ITIH2: variants seen among roughly 807,000 people sequenced by gnomAD.
ITIH2 encodes the protein inter-alpha-trypsin inhibitor heavy chain H2.
In ITIH2, 103 loss-of-function variants were observed where a neutral mutation model predicts 104.4. That is an observed-to-expected ratio of 0.99 (90% CI 0.84 to 1.16). The LOEUF (loss-of-function observed/expected upper bound fraction) is 1.16. ITIH2 is among the 50% of genes most tolerant of loss of function. The probability of loss-of-function intolerance (pLI) is 0.00; values close to 1 mark genes in which losing one functional copy is unlikely to be tolerated. For synonymous variants in ITIH2, 436 were observed against 435.4 expected (o/e 1.00, Z -0.02); for missense variants, 1,108 against 1,162.4 (o/e 0.95, Z 0.68).
chr10:7,713,461 C>G (rs1301615732), intron 5 of ITIH2, 176 bp downstream of exon 5: 2 of 579,922 alleles, frequency 3.4e-6, no homozygotes, highest in Non-Finnish European at 6.1e-6. Context: ...CTAAAGGTCC[C>G]TCTTCAACCA....
At chr10:7,739,951 C>G (rs1007117326) in intron 16 of ITIH2, among the ~76,000 whole-genome samples, 1 of 151,962 alleles carries the variant, frequency 6.6e-6, no homozygotes, top group Admixed American at 6.6e-5. Flanking sequence ...TTTGGGAGGC[C>G]GAGGAGGGCA....
chr10:7,705,731 C>T (rs1019563046), intron 2 of ITIH2, among the ~76,000 whole-genome samples: 10 of 149,588 alleles, frequency 6.7e-5, no homozygotes, highest in Non-Finnish European at 1.0e-4. Context: ...GAATACATGG[C>T]TATGTGTTTT....
intron 3 of ITIH2, among the ~76,000 whole-genome samples, chr10:7,707,721 C>T (rs1388458969): frequency 2.6e-5 from 4 of 152,106 alleles, no homozygotes; most frequent in Non-Finnish European, 5.9e-5. Context: ...TATGTCTCCT[C>T]GCCCAGCTAA....
Position 7,715,686 on chromosome 10 carries a change from C to A in ITIH2, c.468-1940C>A, listed in dbSNP as rs555503798. Among the ~76,000 whole-genome samples the A allele has an allele frequency of 2.3e-4, 35 of 152,310 alleles. No individual in the cohort carries two copies. The South Asian group carries it at 7.0e-3, about 31-fold the overall frequency. ...GATATCGCAAGCTGACTATCCACAA[C>A]AACTCCCCAATCCCTTAGGCTGATT... On this transcript the variant is annotated intron_variant, in intron 5 of 20. Coordinates refer to ENST00000358415, the MANE Select transcript of ITIH2 (RefSeq NM_002216.3).
intron 20 of ITIH2, among the ~76,000 whole-genome samples, chr10:7,748,534 T>C (rs1835202982): frequency 1.2e-5 from 1 of 85,042 alleles, no homozygotes; most frequent in African/African-American, 4.1e-5. Context: ...TTTTTTTTTT[T>C]TTTTTTTTTT....
rs1835026375 is a variant in ITIH2, at chr10:7,733,822, G to A, written c.1788-1100G>A. On this transcript the variant is annotated intron_variant, in intron 14 of 20. Coordinates refer to ENST00000358415, the MANE Select transcript of ITIH2 (RefSeq NM_002216.3). The stretch of plus-strand genomic sequence containing the variant: ...TGGAACAGGGTCTAAATGAGGCTGG[G>A]AAAATGAAATGCAGTTGTATGACTG... Among the ~76,000 whole-genome samples, 10 of 152,038 alleles carry A rather than the reference G, an allele frequency of 6.6e-5. No individual in the cohort carries two copies. The South Asian group carries it at 2.1e-3, about 32-fold the overall frequency.
At chr10:7,717,560 C>G in intron 5 of ITIH2, 66 bp from the exon 6 acceptor site, 11 of 1,493,968 alleles carry the variant, frequency 7.4e-6, no homozygotes, top group Non-Finnish European at 1.0e-5. Flanking sequence ...TGCCCTCTGC[C>G]TAGATTCTGG....
At chr10:7,735,597 G>A (rs1407198517) in intron 15 of ITIH2, among the ~76,000 whole-genome samples, 2 of 151,236 alleles carry the variant, frequency 1.3e-5, no homozygotes, top group Admixed American at 6.6e-5. Flanking sequence ...CATAATCATA[G>A]TATTTTATAA....
In ITIH2 at chr10:7,727,374, G is replaced by T. The variant is rs552608270; in HGVS notation, c.1153+256G>T. Among the ~76,000 whole-genome samples, 4 of 152,330 alleles carry T rather than the reference G, an allele frequency of 2.6e-5. No individual in the cohort carries two copies. In the South Asian group the frequency reaches 8.3e-4, roughly 32 times the overall value. On this transcript the variant is annotated intron_variant, in intron 10 of 20. Transcript: ENST00000358415. ...GTGACACTGGCCTTCTTTATTGCCT[G>T]CATAAAGCATAAAATGTTACTATCT...
chr10:7,727,897 A>G (rs1479477001), intron 11 of ITIH2, 69 bp downstream of exon 11: 3 of 1,559,682 alleles, frequency 1.9e-6, no homozygotes, highest in Non-Finnish European at 2.6e-6. Context: ...TGGTTTGCCT[A>G]AAAGGGGAAC....
intron 16 of ITIH2, among the ~76,000 whole-genome samples, chr10:7,739,463 C>T (rs1220111554): frequency 1.3e-5 from 2 of 152,186 alleles, no homozygotes; most frequent in African/African-American, 2.4e-5. Flanking sequence ...AATTGTGCGG[C>T]TTTCTTGACT....
intron 14 of ITIH2, among the ~76,000 whole-genome samples, chr10:7,733,078 C>G (rs1254124555): frequency 6.6e-6 from 1 of 151,812 alleles, no homozygotes; most frequent in Admixed American, 6.6e-5. Context: ...TATCTATCAT[C>G]CGTGTAATCA....
intron 17 of ITIH2, 118 bp downstream of exon 17, chr10:7,743,377 A>G: frequency 1.7e-6 from 1 of 596,234 alleles, no homozygotes; most frequent in Non-Finnish European, 3.0e-6. Context: ...CAGTGATATT[A>G]GTGAGAAATT....
intron 14 of ITIH2, 115 bp from the exon 15 acceptor site, chr10:7,734,807 C>T: frequency 1.2e-6 from 1 of 818,446 alleles, no homozygotes; most frequent in Non-Finnish European, 1.9e-6. Flanking sequence ...CTTTGCGGCT[C>T]CGCCCCACCC....
intron 5 of ITIH2, among the ~76,000 whole-genome samples, chr10:7,713,889 G>A (rs1834821320): frequency 6.6e-6 from 1 of 152,074 alleles, no homozygotes; most frequent in South Asian, 2.1e-4. Flanking sequence ...TTTTTGTAGA[G>A]ATAAGGCCTT....
At position 7,738,683 on chromosome 10, in the gene ITIH2, C is replaced by A. The variant is rs3740217; in HGVS notation, c.2020C>A (p.Pro674Thr). The A allele has an allele frequency of 1.2e-6, 2 of 1,613,606 alleles. No homozygotes were observed. The highest frequency in any genetic ancestry group is 3.3e-5 in the Admixed American group (2 of 59,982). The change falls in exon 16 of 21, where the codon CCA becomes ACA. Residue 674 changes from proline to threonine, a missense_variant. By Grantham distance (38) the Pro-to-Thr change is conservative (BLOSUM62 -1). Coordinates refer to ENST00000358415, the MANE Select transcript of ITIH2 (RefSeq NM_002216.3). ...DSTPSWANPS[P>T]TPVISMLAQG... is the part of the protein sequence containing the mutation. ...CACCCCGTCTTGGGCCAATCCTTCA[C>A]CAACGCCCGTGATCTCCATGCTGGC...
In ITIH2 at chr10:7,723,556, A is replaced by C. The variant is rs1395692068; in HGVS notation, c.973A>C (p.Lys325Gln). 6.2e-7 allele frequency: 1 copy of C among 1,602,526 alleles called. No individual in the cohort carries two copies. Among genetic ancestry groups the C allele is most frequent in the East Asian group, 2.2e-5 (1 of 44,828 alleles). ...TGTGAGTGGCTCCATGTGGGGAGTT[A>C]AAATGAAACAAGTAAGTACCCCCTT... ...IDVSGSMWGVKMKQTVEAMKT... is the reference protein window; with the variant it reads ...IDVSGSMWGVQMKQTVEAMKT... Residue 325 changes from lysine (K) to glutamine (Q), a missense_variant, in exon 9 of 21, where the codon AAA becomes CAA. Physicochemically the swap from Lys to Gln is moderately conservative, Grantham distance 53. Transcript: ENST00000358415.
In ITIH2 at chr10:7,737,675, TATTTTCTATATTATATTCTATATA is replaced by T. The variant is rs1835074514; in HGVS notation, c.1958-943_1958-920del. On this transcript the variant is annotated intron_variant, in intron 15 of 20. Coordinates refer to ENST00000358415, the MANE Select transcript of ITIH2 (RefSeq NM_002216.3). ...ATATTATATTCTATATTATATTCTA[TATTTTCTATATTATATTCTATATA>T]ATATTCTATATTATATTCTATATAA... Among the ~76,000 whole-genome samples, 11 of 24,222 alleles carry T rather than the reference TATTTTCTATATTATATTCTATATA, an allele frequency of 4.5e-4. 3 individuals are homozygous for T. The highest frequency in any genetic ancestry group is 1.4e-3 in the Admixed American group (2 of 1,440). The allele number at this position is 24,222 out of a possible 152,430, so 15.9% of individuals were successfully genotyped here.
chr10:7,743,422 T>C (rs56900601), intron 17 of ITIH2, among the ~76,000 whole-genome samples, 163 bp downstream of exon 17: 10,019 of 152,194 alleles, frequency 0.066, 507 homozygotes, highest in East Asian at 0.25. Context: ...TTTTGAACCA[T>C]TATAGTTCAA....
Sources: gnomAD v4.1 joint callset for allele counts (sites outside exome capture counted in the v4.1 genomes callset) on GRCh38, gnomAD v4.1.1 for gene constraint, MANE v1.5 for transcripts, NCBI Gene and HGNC (gene_info 2026-07-23, HGNC 2026-07-21) for gene names.